KLHL22: variants seen among roughly 807,000 people sequenced by gnomAD.
The protein encoded by KLHL22 is kelch-like protein 22.
A neutral mutation model predicts 60.7 loss-of-function variants in KLHL22; 18 were observed. That is an observed-to-expected ratio of 0.30 (90% CI 0.20 to 0.44). The LOEUF (loss-of-function observed/expected upper bound fraction) is 0.44. Among genes scored for constraint, KLHL22 ranks in the 20% least tolerant of loss-of-function variants. The probability of loss-of-function intolerance (pLI) is 1.00; values close to 1 mark genes in which losing one functional copy is unlikely to be tolerated. For missense variants in KLHL22, 596 were observed against 852.3 expected (o/e 0.70, Z 3.74); for synonymous variants, 355 against 354.5 (o/e 1.00, Z -0.01).
At position 20,465,322 on chromosome 22, in the gene KLHL22, C is replaced by A; in HGVS notation, c.648G>T (p.Gly216=). 6.2e-7 allele frequency: 1 copy of A among 1,614,016 alleles called. No individual in the cohort carries two copies. The highest frequency in any genetic ancestry group is 8.5e-7 in the Non-Finnish European group (1 of 1,180,010). Reference sequence around the variant, plus strand: ...CCAGGCTATAATGGTAGAGAAGGGCCCCCTCATATACCTCGGTCTCGCAGG... The same window carrying A: ...CCAGGCTATAATGGTAGAGAAGGGCACCCTCATATACCTCGGTCTCGCAGG... The part of the protein sequence containing the change: ...EVSCETEVYE[G]ALLYHYSLEQ... The change falls in exon 4 of 7, where the codon GGG becomes GGT. Residue 216 remains glycine (G), a synonymous_variant. Coordinates refer to ENST00000328879, the MANE Select transcript of KLHL22 (RefSeq NM_032775.4). The surrounding 1 kb of genome is among the most constrained non-coding windows in gnomAD (Gnocchi z 4.9).
chr22:20,450,790 C>T (rs1034247443), intron 5 of KLHL22: 2 of 1,382,982 alleles, frequency 1.4e-6, no homozygotes, highest in African/African-American at 2.8e-5. Context: ...TATGCAGATG[C>T]CCCTGCTAAC....
At chr22:20,447,544 C>CT (rs11463939) in intron 5 of KLHL22, among the ~76,000 whole-genome samples, 51,901 of 135,302 alleles carry the variant, frequency 0.38, 10,986 homozygotes, top group Admixed American at 0.55. Flanking sequence ...GGAGGTTTTT[C>CT]TTTTTTTTTT....
rs2053219649 is a variant in KLHL22, at chr22:20,465,436, G to C, written c.534C>G (p.Asn178Lys). ...TGTCAGTCCGAGAGAAGGCCACAAAGTTTTTGAGGATATAGGTGTCCAGTT... is the reference window on the plus strand; with the variant it reads ...TGTCAGTCCGAGAGAAGGCCACAAACTTTTTGAGGATATAGGTGTCCAGTT... ...TEQLDTYILK[N>K]FVAFSRTDKY... The change falls in exon 4 of 7, where the codon AAC becomes AAG. Residue 178 changes from asparagine to lysine, a missense_variant. Asn to Lys is a moderately conservative substitution (Grantham distance 94, BLOSUM62 0). Transcript: ENST00000328879. This position sits in a 1 kb window ranked among gnomAD's most constrained non-coding sequence, Gnocchi z 4.9. 1 of 1,614,168 alleles carries C rather than the reference G, an allele frequency of 6.2e-7. No homozygotes were observed. The highest frequency in any genetic ancestry group is 8.5e-7 in the Non-Finnish European group (1 of 1,179,990).
intron 2 of KLHL22, among the ~76,000 whole-genome samples, chr22:20,476,664 C>G (rs527403142): frequency 7.3e-5 from 11 of 150,506 alleles, no homozygotes; most frequent in African/African-American, 2.7e-4. Context: ...CCGCCCGCCT[C>G]GGCCTCCCAA....
At chr22:20,470,684 A>G (rs865964459) in intron 3 of KLHL22, among the ~76,000 whole-genome samples, 4 of 98,506 alleles carry the variant, frequency 4.1e-5, no homozygotes, top group African/African-American at 1.1e-4. Context: ...GGATGGGTGG[A>G]TGGATGGATG....
At chr22:20,450,601 T>C (rs762147015) in intron 5 of KLHL22, 1 of 1,603,640 alleles carries the variant, frequency 6.2e-7, no homozygotes, top group Non-Finnish European at 8.5e-7. Context: ...CCAGAAGAAT[T>C]TTCCTGAAGT....
At chr22:20,487,742 G>A (rs956592625) in intron 2 of KLHL22, among the ~76,000 whole-genome samples, 1 of 152,182 alleles carries the variant, frequency 6.6e-6, no homozygotes, top group Admixed American at 6.5e-5. Context: ...CCTGGAGGAC[G>A]TGGAAAGCCA....
chr22:20,454,412 G>T lies in KLHL22; in HGVS notation c.1305+3396C>A, dbSNP rs182890187. Among the ~76,000 whole-genome samples, 19 of 152,238 alleles carry T rather than the reference G, an allele frequency of 1.2e-4. No individual in the cohort carries two copies. In the East Asian group the frequency reaches 3.7e-3, roughly 29 times the overall value. ...TCATGAACCAGGAAACCCCAAACTGGAAGTGGTATGAAGCCCCAATTCACA... is the reference window on the plus strand; with the variant it reads ...TCATGAACCAGGAAACCCCAAACTGTAAGTGGTATGAAGCCCCAATTCACA... On this transcript the variant is annotated intron_variant, in intron 5 of 6. Coordinates refer to ENST00000328879, the MANE Select transcript of KLHL22 (RefSeq NM_032775.4).
intron 4 of KLHL22, among the ~76,000 whole-genome samples, chr22:20,463,199 C>A (rs183257906): frequency 1.6e-3 from 246 of 152,334 alleles, no homozygotes; most frequent in African/African-American, 5.6e-3. Flanking sequence ...TGGATACCTA[C>A]TCTCTCAAGG....
chr22:20,443,714 C>T (rs573244191), intron 6 of KLHL22, among the ~76,000 whole-genome samples: 16 of 147,410 alleles, frequency 1.1e-4, no homozygotes, highest in Admixed American at 6.8e-4. Context: ...TCCAGCCTGG[C>T]GACAGAGCGA....
intron 4 of KLHL22, among the ~76,000 whole-genome samples, chr22:20,462,707 T>C (rs1172425545): frequency 6.6e-6 from 1 of 152,068 alleles, no homozygotes; most frequent in African/African-American, 2.4e-5. Context: ...TGTAACCAGC[T>C]ACTACTAGGT....
chr22:20,480,286 T>A (rs2053477774), intron 2 of KLHL22, among the ~76,000 whole-genome samples: 1 of 152,234 alleles, frequency 6.6e-6, no homozygotes, highest in Non-Finnish European at 1.5e-5. Context: ...CGTAATAATG[T>A]GAATAATCGT....
rs2052765122 is a variant in KLHL22, at chr22:20,441,978, C to T, written c.*95G>A. 1.2e-5 allele frequency: 16 copies of T among 1,303,672 alleles called. No individual in the cohort carries two copies. The highest frequency in any genetic ancestry group is 1.6e-5 in the Non-Finnish European group (16 of 977,348). 80.8% of individuals were successfully genotyped at this position (1,303,672 alleles called of 1,614,324 possible). A position where few individuals can be genotyped will look rare whatever the true frequency, so the allele number is the denominator to read the frequency against. ...AAGCTGTGGCCAACAGGGGCAGGGG[C>T]CCTGCCTGGAGTAAAGTGCTCTGGC... On this transcript the variant is annotated 3_prime_UTR_variant, in exon 7 of 7. Transcript: ENST00000328879.
chr22:20,476,000 C>T (rs1352455309), intron 2 of KLHL22, among the ~76,000 whole-genome samples: 2 of 152,182 alleles, frequency 1.3e-5, no homozygotes, highest in African/African-American at 4.8e-5. Context: ...GTAATTGCCC[C>T]AAATAAACCC....
chr22:20,456,840 G>A (rs1387009061), intron 5 of KLHL22, among the ~76,000 whole-genome samples: 2 of 152,042 alleles, frequency 1.3e-5, no homozygotes, highest in Non-Finnish European at 2.9e-5. Context: ...GGAATTGGGG[G>A]TCATGAGAGA....
chr22:20,443,462 C>T (rs888312166), intron 6 of KLHL22, among the ~76,000 whole-genome samples: 1 of 152,112 alleles, frequency 6.6e-6, no homozygotes, highest in Non-Finnish European at 1.5e-5. Flanking sequence ...GGGGAGAGGC[C>T]GGGCGTGGTG....
intron 2 of KLHL22, chr22:20,481,349 A>ATCACCTGT (rs757174544): frequency 5.9e-5 from 9 of 151,960 alleles, no homozygotes; most frequent in African/African-American, 1.4e-4. Flanking sequence ...AGGTGGGTGG[A>ATCACCTGT]TCACCTGTGG....
chr22:20,477,736 T>C (rs1352652270), intron 2 of KLHL22, among the ~76,000 whole-genome samples: 1 of 152,224 alleles, frequency 6.6e-6, no homozygotes, highest in Admixed American at 6.5e-5. Context: ...AATTATAGAA[T>C]GATTACACAT....
At chr22:20,482,666 A>G in intron 2 of KLHL22, 1 of 519,738 alleles carries the variant, frequency 1.9e-6, no homozygotes, top group Non-Finnish European at 3.5e-6. Flanking sequence ...TCCGCCTCCC[A>G]GGTTCAAGCG....
Sources: gnomAD v4.1 joint callset for allele counts (sites outside exome capture counted in the v4.1 genomes callset) on GRCh38, gnomAD v4.1.1 for gene constraint, Gnocchi (gnomAD v3.1) non-coding constraint, MANE v1.5 for transcripts, NCBI Gene and HGNC (gene_info 2026-07-23, HGNC 2026-07-21) for gene names.